Variants in ST3GAL3 observed in about 807,000 individuals in gnomAD.
ST3GAL3 encodes the protein CMP-N-acetylneuraminate-beta-1,4-galactoside alpha-2,3-sialyltransferase.
ST3GAL3 carries 21 observed loss-of-function variants against 50.1 expected under a neutral mutation model. That is an observed-to-expected ratio of 0.42 (90% confidence interval 0.30 to 0.60). ST3GAL3 has a LOEUF of 0.60. Among genes scored for constraint, ST3GAL3 ranks in the 20% least tolerant of loss-of-function variants. ST3GAL3 has a pLI of 0.19. For missense variants in ST3GAL3, 353 were observed against 489.4 expected, an observed-to-expected ratio of 0.72 and a Z score of 2.63; for synonymous variants, 183 against 190.0, an observed-to-expected ratio of 0.96 and a Z score of 0.30.
intron 1 of ST3GAL3, among the ~76,000 whole-genome samples, chr1:43,712,106 G>A (rs890901129): frequency 6.6e-6 from 1 of 152,124 alleles, no homozygotes; most frequent in Non-Finnish European, 1.5e-5. Context: ...TCTTATTTTT[G>A]AGCCTAAGTT....
intron 2 of ST3GAL3, among the ~76,000 whole-genome samples, chr1:43,767,285 C>G (rs1693444255): frequency 1.3e-5 from 2 of 152,196 alleles, no homozygotes; most frequent in East Asian, 1.9e-4. Flanking sequence ...CGCAAGAGTG[C>G]AAGGCATGGC....
intron 2 of ST3GAL3, among the ~76,000 whole-genome samples, 187 bp from the exon 3 acceptor site, chr1:43,791,915 G>A (rs1350387053): frequency 6.6e-6 from 1 of 152,226 alleles, no homozygotes; most frequent in Non-Finnish European, 1.5e-5. Context: ...GGAGGCAAGG[G>A]GTACTGGGCT....
chr1:43,847,952 AT>A (rs763055293), intron 5 of ST3GAL3, among the ~76,000 whole-genome samples: 13 of 152,148 alleles, frequency 8.5e-5, no homozygotes, highest in Non-Finnish European at 1.3e-4. Context: ...TTCATTTAAC[AT>A]TTCTTGTGGG....
chr1:43,886,035 T>C (rs570594666), intron 5 of ST3GAL3, among the ~76,000 whole-genome samples: 4 of 152,340 alleles, frequency 2.6e-5, no homozygotes, highest in Non-Finnish European at 4.4e-5. Flanking sequence ...AACAGTAATA[T>C]ATAGTTTCAA....
At chr1:43,860,081 T>C (rs1479485488) in intron 5 of ST3GAL3, among the ~76,000 whole-genome samples, 2 of 152,174 alleles carry the variant, frequency 1.3e-5, no homozygotes, top group African/African-American at 4.8e-5. Context: ...GAAGGGCTTC[T>C]TTCTGCCCCT....
At chr1:43,893,316 A>G (rs1467480194) in intron 5 of ST3GAL3, among the ~76,000 whole-genome samples, 1 of 152,236 alleles carries the variant, frequency 6.6e-6, no homozygotes, top group Non-Finnish European at 1.5e-5. Flanking sequence ...ACGGAGGCCC[A>G]GGCCTCCACA....
chr1:43,830,796 C>T (rs533165425), intron 4 of ST3GAL3, among the ~76,000 whole-genome samples: 5 of 152,278 alleles, frequency 3.3e-5, no homozygotes, highest in African/African-American at 9.6e-5. Context: ...TCTTGACCTC[C>T]CTGCCCAATA....
At chr1:43,834,217 C>T (rs924173521) in intron 4 of ST3GAL3, among the ~76,000 whole-genome samples, 29 of 152,256 alleles carry the variant, frequency 1.9e-4, no homozygotes, top group African/African-American at 6.7e-4. Context: ...ATCTCTACTG[C>T]ATTGTGAGTT....
chr1:43,719,651 T>G (rs1234759069), intron 1 of ST3GAL3, among the ~76,000 whole-genome samples: 1 of 136,762 alleles, frequency 7.3e-6, no homozygotes, highest in Non-Finnish European at 1.6e-5. Context: ...GGCAACAAAG[T>G]GAAACTCTGT....
At position 43,726,846 on chromosome 1, in the gene ST3GAL3, G is replaced by A. The variant is rs1191207905; in HGVS notation, c.-30-9387G>A. 3.3e-5 allele frequency among the ~76,000 whole-genome samples: 5 copies of A among 152,132 alleles called. No individual in the cohort carries two copies. In the East Asian group the frequency reaches 7.7e-4, roughly 24 times the overall value. Reference sequence around the variant, plus strand: ...TGACCTCAAATGATCCGCCTGCCTCGGCCTCCCAAAGTGCTGGGATTACAG... The same window carrying A: ...TGACCTCAAATGATCCGCCTGCCTCAGCCTCCCAAAGTGCTGGGATTACAG... On this transcript the variant is annotated intron_variant, in intron 1 of 11. Transcript: ENST00000347631.
intron 5 of ST3GAL3, 57 bp downstream of exon 5, chr1:43,838,368 C>A: frequency 6.7e-7 from 1 of 1,496,502 alleles, no homozygotes; most frequent in South Asian, 1.1e-5. Context: ...GTCCAAGAGC[C>A]AGAAACTCTG....
rs112394294 is a variant in ST3GAL3 at position 43,899,782 on chromosome 1, C to A, written c.744+55C>A. 2.5e-3 allele frequency: 3,735 copies of A among 1,511,998 alleles called. 84 individuals are homozygous for A. The African/African-American group carries it at 0.047, about 19-fold the overall frequency. 93.7% of individuals were successfully genotyped at this position (1,511,998 alleles called of 1,614,324 possible). On this transcript the variant is annotated intron_variant, in intron 9 of 11. Coordinates refer to ENST00000347631, the MANE Select transcript of ST3GAL3 (RefSeq NM_006279.5). The surrounding 1 kb of genome is among the most constrained non-coding windows in gnomAD (Gnocchi z 5.4). The stretch of plus-strand genomic sequence containing the variant: ...CTCTTGCCCTGGGCTTCCGCAACTC[C>A]TAAGCAATCCCGCCCCTTGAATGCA...
intron 2 of ST3GAL3, among the ~76,000 whole-genome samples, chr1:43,761,544 A>C (rs1306962447): frequency 6.6e-6 from 1 of 152,138 alleles, no homozygotes; most frequent in African/African-American, 2.4e-5. Context: ...GGAAGGAAGG[A>C]AAAAACAAAG....
intron 2 of ST3GAL3, among the ~76,000 whole-genome samples, chr1:43,761,580 G>A (rs1206127014): frequency 1.3e-5 from 2 of 151,938 alleles, no homozygotes; most frequent in African/African-American, 2.4e-5. Flanking sequence ...GAAGTAAAAT[G>A]TTTTAATTGT....
At position 43,931,065 on chromosome 1, in the gene ST3GAL3, G is replaced by A. The variant is rs1411654282; in HGVS notation, c.*844G>A. Reference sequence around the variant, plus strand: ...GCCAGGTGGTTGGGTTCTGCCTTTAGCCTGGACCAAAGGGAAGTGAGGCCC... The same window carrying A: ...GCCAGGTGGTTGGGTTCTGCCTTTAACCTGGACCAAAGGGAAGTGAGGCCC... On this transcript the variant is annotated 3_prime_UTR_variant, in exon 12 of 12. Coordinates refer to ENST00000347631, the MANE Select transcript of ST3GAL3 (RefSeq NM_006279.5). 6.5e-6 allele frequency: 1 copy of A among 152,900 alleles called. No homozygotes were observed. Among genetic ancestry groups the A allele is most frequent in the Non-Finnish European group, 1.5e-5 (1 of 68,256 alleles). 9.5% of individuals were successfully genotyped at this position (152,900 alleles called of 1,614,324 possible).
intron 5 of ST3GAL3, among the ~76,000 whole-genome samples, chr1:43,853,998 C>T (rs924139312): frequency 1.3e-5 from 2 of 152,144 alleles, no homozygotes; most frequent in African/African-American, 4.8e-5. Flanking sequence ...TACAAAGCCC[C>T]TCTCTCTCTG....
intron 2 of ST3GAL3, among the ~76,000 whole-genome samples, chr1:43,747,057 C>T (rs1016218799): frequency 3.9e-5 from 6 of 152,096 alleles, no homozygotes; most frequent in Non-Finnish European, 5.9e-5. Context: ...TGAGCCACTG[C>T]GCCTGGCCTA....
intron 5 of ST3GAL3, among the ~76,000 whole-genome samples, chr1:43,891,880 C>T (rs1442089354): frequency 6.6e-6 from 1 of 152,210 alleles, no homozygotes; most frequent in Non-Finnish European, 1.5e-5. Context: ...TCAGTGGCTG[C>T]TACAAGCATT....
chr1:43,760,221 C>T (rs1331140689), intron 2 of ST3GAL3, among the ~76,000 whole-genome samples: 1 of 152,126 alleles, frequency 6.6e-6, no homozygotes, highest in Non-Finnish European at 1.5e-5. Context: ...TATTTTTTTG[C>T]AGTGAGAAAA....
Sources: gnomAD v4.1 joint callset for allele counts (sites outside exome capture counted in the v4.1 genomes callset) on GRCh38, gnomAD v4.1.1 for gene constraint, Gnocchi (gnomAD v3.1) non-coding constraint, MANE v1.5 for transcripts, NCBI Gene and HGNC (gene_info 2026-07-23, HGNC 2026-07-21) for gene names.